MLLT10: variants seen among roughly 807,000 people sequenced by gnomAD.
The protein encoded by MLLT10 is MLLT10 histone lysine methyltransferase DOT1L cofactor.
MLLT10 carries 30 observed loss-of-function variants against 129.1 expected under a neutral mutation model. That is an observed-to-expected ratio of 0.23 (90% CI 0.17 to 0.32). The LOEUF (loss-of-function observed/expected upper bound fraction) is 0.32. Among genes scored for constraint, MLLT10 ranks in the 10% least tolerant of loss-of-function variants. The pLI is 1.00. For synonymous variants in MLLT10, 490 were observed against 446.4 expected (o/e 1.10, Z -1.23); for missense variants, 1,119 against 1,268.3 (o/e 0.88, Z 1.79).
At chr10:21,689,567 A>ATATATATATATATATATATGTATG (rs2053630601) in intron 13 of MLLT10, among the ~76,000 whole-genome samples, 2 of 60,316 alleles carry the variant, frequency 3.3e-5, no homozygotes, top group African/African-American at 1.2e-4. Flanking sequence ...ATATATATGT[A>ATATATATATATATATATATGTATG]TATATATATA....
chr10:21,740,994 G>A (rs1298828651), intron 22 of MLLT10, among the ~76,000 whole-genome samples: 1 of 152,222 alleles, frequency 6.6e-6, no homozygotes, highest in Non-Finnish European at 1.5e-5. Flanking sequence ...ACTGAGGTGG[G>A]AGACTTGGCA....
chr10:21,539,740 G>T (rs1049649925), intron 3 of MLLT10, among the ~76,000 whole-genome samples: 1 of 151,740 alleles, frequency 6.6e-6, no homozygotes, highest in Non-Finnish European at 1.5e-5. Context: ...TTGCACTCCA[G>T]CTTGGGCAAT....
chr10:21,682,088 C>A, intron 12 of MLLT10, 137 bp from the exon 13 acceptor site: 1 of 555,998 alleles, frequency 1.8e-6, no homozygotes, highest in Non-Finnish European at 2.9e-6. Flanking sequence ...GCCAAGCTTG[C>A]AGTTTTAATG....
At chr10:21,591,677 A>G (rs2042518946) in intron 4 of MLLT10, among the ~76,000 whole-genome samples, 1 of 151,714 alleles carries the variant, frequency 6.6e-6, no homozygotes, top group African/African-American at 2.4e-5. Flanking sequence ...TGCTGTAGGG[A>G]TTATAATTTT....
intron 13 of MLLT10, among the ~76,000 whole-genome samples, chr10:21,698,392 A>AC (rs1221300395): frequency 6.6e-6 from 1 of 152,234 alleles, no homozygotes; most frequent in East Asian, 1.9e-4. Context: ...GTTGGAAATG[A>AC]CATGATTTCA....
intron 3 of MLLT10, among the ~76,000 whole-genome samples, chr10:21,559,948 T>G (rs1684955147): frequency 6.6e-6 from 1 of 152,168 alleles, no homozygotes; most frequent in Admixed American, 6.6e-5. Context: ...ATCTTTTTTT[T>G]TTGGGTCGGG....
chr10:21,549,429 A>G (rs2036615265), intron 3 of MLLT10, among the ~76,000 whole-genome samples: 1 of 151,922 alleles, frequency 6.6e-6, no homozygotes, highest in Admixed American at 6.6e-5. Context: ...TTTACTTAAA[A>G]GCAAAAGGCA....
intron 21 of MLLT10, among the ~76,000 whole-genome samples, chr10:21,738,055 G>A (rs1453283046): frequency 6.6e-6 from 1 of 152,042 alleles, no homozygotes; most frequent in Non-Finnish European, 1.5e-5. Context: ...GGATCACGAG[G>A]TCAGGAGTTC....
chr10:21,664,050 T>C (rs1270110320), intron 9 of MLLT10, among the ~76,000 whole-genome samples: 1 of 152,200 alleles, frequency 6.6e-6, no homozygotes. Context: ...AGTAGGGCTT[T>C]ATGAATTTTG....
chr10:21,697,339 G>A (rs1015313456), intron 13 of MLLT10, among the ~76,000 whole-genome samples: 3 of 152,006 alleles, frequency 2.0e-5, no homozygotes, highest in Admixed American at 6.6e-5. Context: ...GGTGGAAGGC[G>A]CCTGTAATCC....
chr10:21,729,736 G>C (rs1203428731), intron 16 of MLLT10, among the ~76,000 whole-genome samples: 1 of 152,116 alleles, frequency 6.6e-6, no homozygotes, highest in Admixed American at 6.5e-5. Context: ...TTCTCACTAG[G>C]TTGTTGTGGA....
chr10:21,681,679 T>G (rs2052750923), intron 12 of MLLT10, among the ~76,000 whole-genome samples: 2 of 152,198 alleles, frequency 1.3e-5, no homozygotes, highest in African/African-American at 4.8e-5. Context: ...ACATTTTGTT[T>G]TCTATTCTTA....
At chr10:21,708,805 G>C (rs1393963129) in intron 13 of MLLT10, 1 of 892,754 alleles carries the variant, frequency 1.1e-6, no homozygotes, top group Non-Finnish European at 1.3e-6. Context: ...GTGTAGTAGA[G>C]ACATTAGAGG....
intron 3 of MLLT10, chr10:21,556,845 T>C (rs1438901311): frequency 6.4e-7 from 1 of 1,553,202 alleles, no homozygotes; most frequent in South Asian, 1.2e-5. Flanking sequence ...ACTTGTCATA[T>C]GTCCTTTCTA....
chr10:21,586,174 G>GA, intron 3 of MLLT10, 120 bp from the exon 4 acceptor site: 1 of 749,098 alleles, frequency 1.3e-6, no homozygotes, highest in African/African-American at 1.8e-5. Flanking sequence ...AAATATTCTT[G>GA]GGGGGCAACT....
intron 3 of MLLT10, among the ~76,000 whole-genome samples, chr10:21,569,766 C>A (rs999796853): frequency 2.7e-5 from 4 of 150,480 alleles, no homozygotes; most frequent in Admixed American, 6.6e-5. Flanking sequence ...ACCGGGTCTT[C>A]CTGTGTTGCT....
At chr10:21,676,006 C>T (rs929756818) in intron 11 of MLLT10, among the ~76,000 whole-genome samples, 1 of 152,098 alleles carries the variant, frequency 6.6e-6, no homozygotes, top group Admixed American at 6.5e-5. Context: ...AAAAAGAATT[C>T]GTTTCTCTTA....
intron 5 of MLLT10, among the ~76,000 whole-genome samples, chr10:21,602,869 A>G (rs1340703654): frequency 1.3e-5 from 2 of 151,652 alleles, no homozygotes; most frequent in African/African-American, 4.8e-5. Context: ...AGCTGGGACT[A>G]CAGGTGCCCT....
At position 21,740,146 on chromosome 10, in the gene MLLT10, T is replaced by G; in HGVS notation, c.3072T>G (p.Leu1024=). The change falls in exon 22 of 23, where the codon CTT becomes CTG. Residue 1024 remains leucine (L), a synonymous_variant. Transcript: ENST00000307729. Reference sequence around the variant, plus strand: ...CAACACAAATACCCATAAACAACCTTCTTGCAGGTACACAGGCACCCCCAC... The same window carrying G: ...CAACACAAATACCCATAAACAACCTGCTTGCAGGTACACAGGCACCCCCAC... The part of the protein sequence containing the change: ...PGPTQIPINN[L]LAGTQAPPLH... The G allele has an allele frequency of 1.2e-6, 2 of 1,614,088 alleles. No homozygotes were observed. Among genetic ancestry groups the G allele is most frequent in the South Asian group, 2.2e-5 (2 of 91,076 alleles).
Sources: gnomAD v4.1 joint callset for allele counts (sites outside exome capture counted in the v4.1 genomes callset) on GRCh38, gnomAD v4.1.1 for gene constraint, MANE v1.5 for transcripts, NCBI Gene and HGNC (gene_info 2026-07-23, HGNC 2026-07-21) for gene names.